The following CEP128 variants were observed in gnomAD, a reference collection of about 807,000 sequenced individuals.
CEP128 encodes centrosomal protein 128kDa.
CEP128 carries 132 observed loss-of-function variants against 156.7 expected under a neutral mutation model. The ratio of observed to expected loss-of-function variants is 0.84; its 90% CI spans 0.73 to 0.97. The LOEUF (loss-of-function observed/expected upper bound fraction) is 0.97. Among genes scored for constraint, CEP128 ranks in the 50% least tolerant of loss-of-function variants. CEP128 has a pLI of 0.00. For synonymous variants in CEP128, 469 were observed against 448.9 expected, an observed-to-expected ratio of 1.04 and a Z score of -0.57; for missense variants, 1,252 against 1,281.9, an observed-to-expected ratio of 0.98 and a Z score of 0.36.
At chr14:80,724,421 C>T (rs1897935939) in intron 19 of CEP128, among the ~76,000 whole-genome samples, 1 of 151,980 alleles carries the variant, frequency 6.6e-6, no homozygotes, top group South Asian at 2.1e-4. Context: ...ATAAGAACAG[C>T]CAATCTGGAA....
At chr14:80,773,276 A>C (rs369597645) in intron 16 of CEP128, among the ~76,000 whole-genome samples, 24 of 152,212 alleles carry the variant, frequency 1.6e-4, no homozygotes, top group African/African-American at 4.8e-4. Context: ...TGTTAGACTT[A>C]GGAAAACAAT....
chr14:80,685,712 C>T (rs1896499081), intron 19 of CEP128, among the ~76,000 whole-genome samples: 1 of 152,130 alleles, frequency 6.6e-6, no homozygotes, highest in African/African-American at 2.4e-5. Flanking sequence ...TCAAACTATA[C>T]TATAAGGCTG....
intron 19 of CEP128, among the ~76,000 whole-genome samples, chr14:80,653,628 C>A (rs1478722718): frequency 2.6e-5 from 4 of 152,096 alleles, no homozygotes; most frequent in African/African-American, 4.8e-5. Context: ...TTGAGAGGGG[C>A]TAATGCAGTT....
chr14:80,918,929 C>A (rs1884705056), intron 2 of CEP128, among the ~76,000 whole-genome samples: 1 of 152,086 alleles, frequency 6.6e-6, no homozygotes, highest in Non-Finnish European at 1.5e-5. Flanking sequence ...CCTTTTATCT[C>A]TTATATAAGA....
At chr14:80,593,338 C>G (rs1264705471) in intron 19 of CEP128, among the ~76,000 whole-genome samples, 1 of 151,992 alleles carries the variant, frequency 6.6e-6, no homozygotes, top group Non-Finnish European at 1.5e-5. Flanking sequence ...GAGATCGAGA[C>G]CATCTTGGCT....
intron 19 of CEP128, among the ~76,000 whole-genome samples, chr14:80,687,392 G>C (rs945067313): frequency 1.3e-5 from 2 of 152,098 alleles, no homozygotes; most frequent in Non-Finnish European, 2.9e-5. Flanking sequence ...GGAATACTAT[G>C]CAGCCATAAA....
intron 13 of CEP128, among the ~76,000 whole-genome samples, chr14:80,819,034 G>T (rs997311454): frequency 3.9e-5 from 6 of 152,078 alleles, no homozygotes; most frequent in Non-Finnish European, 8.8e-5. Flanking sequence ...TGTAGTTCAA[G>T]ATGCTTTAAC....
chr14:80,607,497 G>C (rs1892833210), intron 19 of CEP128, among the ~76,000 whole-genome samples: 1 of 152,140 alleles, frequency 6.6e-6, no homozygotes. Context: ...AAGCTGGACT[G>C]ACCATCTACC....
intron 19 of CEP128, among the ~76,000 whole-genome samples, chr14:80,593,304 G>A (rs1430523532): frequency 6.6e-6 from 1 of 152,074 alleles, no homozygotes; most frequent in African/African-American, 2.4e-5. Flanking sequence ...CCCTGCCACT[G>A]AGGAGGGCAG....
chr14:80,561,378 C>T lies in CEP128; in HGVS notation c.2857-2076G>A, dbSNP rs551882338. ...ACATTTGAGCACTTCATAATAAATG[C>T]GTATGATGCCTCAAGGGGGCTTTGA... On this transcript the variant is annotated intron_variant, in intron 20 of 24. Transcript: ENST00000555265. Among the ~76,000 whole-genome samples the T allele has an allele frequency of 1.9e-4, 29 of 152,228 alleles. No homozygotes were observed. In the Middle Eastern group the frequency reaches 0.01, roughly 54 times the overall value.
intron 19 of CEP128, among the ~76,000 whole-genome samples, chr14:80,713,117 C>T (rs999211348): frequency 5.9e-5 from 9 of 152,094 alleles, no homozygotes; most frequent in Admixed American, 3.3e-4. Context: ...GGGCACTTTA[C>T]GTGGGAGGGA....
intron 14 of CEP128, among the ~76,000 whole-genome samples, chr14:80,481,184 G>A (rs986352840): frequency 6.6e-6 from 1 of 152,174 alleles, no homozygotes; most frequent in African/African-American, 2.4e-5. Flanking sequence ...AGAAAAAGAG[G>A]TTTAACTGGA....
downstream of CEP128, among the ~76,000 whole-genome samples, chr14:80,485,528 A>C (rs186046737): frequency 1.3e-5 from 2 of 151,786 alleles, no homozygotes; most frequent in African/African-American, 2.4e-5. Context: ...GGAATTATGA[A>C]GTATATGCAT....
At position 80,580,361 on chromosome 14, in the gene CEP128, T is replaced by C. The variant is rs746835489; in HGVS notation, c.2856+13A>G. Reference sequence around the variant, plus strand: ...TTTCATACCAAGCATGCTTGCCCTATTTAAGAATTTACCTGCAGAGATCCC... The same window carrying C: ...TTTCATACCAAGCATGCTTGCCCTACTTAAGAATTTACCTGCAGAGATCCC... On this transcript the variant is annotated intron_variant, in intron 20 of 24. Coordinates refer to ENST00000555265, the MANE Select transcript of CEP128 (RefSeq NM_152446.5). 4 of 1,565,064 alleles carry C rather than the reference T, an allele frequency of 2.6e-6. No homozygotes were observed. The highest frequency in any genetic ancestry group is 2.6e-6 in the Non-Finnish European group (3 of 1,139,216).
At chr14:80,619,103 T>C (rs1893353751) in intron 19 of CEP128, among the ~76,000 whole-genome samples, 2 of 152,110 alleles carry the variant, frequency 1.3e-5, no homozygotes, top group African/African-American at 4.8e-5. Context: ...GAATTAAAAC[T>C]GAAAAATTGG....
chr14:80,909,539 C>T (rs968741207), intron 4 of CEP128, among the ~76,000 whole-genome samples: 4 of 151,812 alleles, frequency 2.6e-5, no homozygotes, highest in East Asian at 1.9e-4. Flanking sequence ...AAGATATATC[C>T]GAAGCCATTG....
chr14:80,703,644 A>G (rs915275243), intron 19 of CEP128, among the ~76,000 whole-genome samples: 3 of 152,132 alleles, frequency 2.0e-5, no homozygotes, highest in South Asian at 4.1e-4. Context: ...AAGAAATAAT[A>G]GAGATCACTT....
intron 2 of CEP128, among the ~76,000 whole-genome samples, chr14:80,927,060 G>GC (rs36102034): frequency 1.3e-5 from 2 of 152,194 alleles, no homozygotes; most frequent in African/African-American, 4.8e-5. Flanking sequence ...TCCAGCTCCA[G>GC]CCCAGAGTGC....
chr14:80,700,352 T>C (rs977526013), intron 19 of CEP128, among the ~76,000 whole-genome samples: 2 of 152,096 alleles, frequency 1.3e-5, no homozygotes, highest in African/African-American at 4.8e-5. Flanking sequence ...TGGTCACTTA[T>C]CTTGCAGGAA....
Sources: gnomAD v4.1 joint callset for allele counts (sites outside exome capture counted in the v4.1 genomes callset) on GRCh38, gnomAD v4.1.1 for gene constraint, MANE v1.5 for transcripts, NCBI Gene and HGNC (gene_info 2026-07-23, HGNC 2026-07-21) for gene names.